The following EPHA5 variants were observed in gnomAD, a reference collection of about 807,000 sequenced individuals.
The protein encoded by EPHA5 is ephrin type-A receptor 5.
EPHA5 carries 60 observed loss-of-function variants against 105.0 expected under a neutral mutation model. The ratio of observed to expected loss-of-function variants is 0.57; its 90% confidence interval spans 0.46 to 0.71. EPHA5 has a LOEUF of 0.71. EPHA5 is among the 30% of genes least tolerant of loss of function. EPHA5 has a pLI of 0.00. For synonymous variants in EPHA5, 513 were observed against 449.1 expected, an observed-to-expected ratio of 1.14 and a Z score of -1.80; for missense variants, 1,218 against 1,274.7, an observed-to-expected ratio of 0.96 and a Z score of 0.68.
chr4:65,503,287 A>AT (rs1173610247), intron 3 of EPHA5, among the ~76,000 whole-genome samples: 1 of 151,816 alleles, frequency 6.6e-6, no homozygotes, highest in African/African-American at 2.4e-5. Context: ...ATTTGAAATT[A>AT]TTTTTTAAAA....
intron 5 of EPHA5, among the ~76,000 whole-genome samples, chr4:65,474,008 C>T (rs1163582184): frequency 5.5e-4 from 69 of 124,558 alleles, no homozygotes; most frequent in Non-Finnish European, 1.0e-3. Context: ...CATCACACAC[C>T]GGGGCCTGTT....
At chr4:65,573,279 C>CGG (rs1740404168) in intron 3 of EPHA5, among the ~76,000 whole-genome samples, 1 of 151,428 alleles carries the variant, frequency 6.6e-6, no homozygotes, top group Non-Finnish European at 1.5e-5. Flanking sequence ...GGCGTGGTGG[C>CGG]AGGTGCCTGT....
intron 8 of EPHA5, among the ~76,000 whole-genome samples, chr4:65,383,512 A>T (rs1007851334): frequency 6.6e-6 from 1 of 151,918 alleles, no homozygotes; most frequent in Non-Finnish European, 1.5e-5. Context: ...ATATTAAGAA[A>T]CACTATTTTT....
chr4:65,388,396 G>A (rs2148948714), intron 8 of EPHA5, among the ~76,000 whole-genome samples: 1 of 151,780 alleles, frequency 6.6e-6, no homozygotes, highest in African/African-American at 2.4e-5. Context: ...TCGCCACACT[G>A]ACTTCCACAA....
chr4:65,488,030 T>C (rs913139042), intron 5 of EPHA5, among the ~76,000 whole-genome samples: 2 of 152,172 alleles, frequency 1.3e-5, no homozygotes, highest in African/African-American at 4.8e-5. Flanking sequence ...TTACAGTGTA[T>C]ACAGTGAGAA....
At chr4:65,570,834 A>G (rs185867694) in intron 3 of EPHA5, among the ~76,000 whole-genome samples, 49 of 152,170 alleles carry the variant, frequency 3.2e-4, no homozygotes, top group African/African-American at 1.2e-3. Flanking sequence ...CTTAATATAT[A>G]GTTAATTTAT....
At chr4:65,638,412 T>C (rs1026437886) in intron 2 of EPHA5, among the ~76,000 whole-genome samples, 6 of 152,004 alleles carry the variant, frequency 3.9e-5, no homozygotes, top group Non-Finnish European at 8.8e-5. Flanking sequence ...AAAAACAATC[T>C]CTAGAACAGA....
At chr4:65,574,103 T>C in intron 3 of EPHA5, 1 of 1,609,338 alleles carries the variant, frequency 6.2e-7, no homozygotes, top group East Asian at 2.2e-5. Context: ...ATCTTACTGA[T>C]GCTTACTTCA....
intron 3 of EPHA5, among the ~76,000 whole-genome samples, chr4:65,599,755 A>G (rs1448975887): frequency 6.6e-6 from 1 of 152,218 alleles, no homozygotes; most frequent in Non-Finnish European, 1.5e-5. Context: ...TCCAATGTCC[A>G]TCAATTAAGG....
chr4:65,626,019 T>C (rs540215848), intron 2 of EPHA5, among the ~76,000 whole-genome samples: 1 of 149,562 alleles, frequency 6.7e-6, no homozygotes, highest in East Asian at 2.0e-4. Context: ...GAGAATGACA[T>C]GAACCCGGGA....
intron 7 of EPHA5, among the ~76,000 whole-genome samples, chr4:65,412,706 A>G (rs1723026578): frequency 1.3e-5 from 2 of 152,156 alleles, no homozygotes; most frequent in African/African-American, 4.8e-5. Flanking sequence ...AGCTTATTTC[A>G]GGTAAAATTT....
At chr4:65,377,035 A>T (rs2148920038) in intron 8 of EPHA5, 1 of 1,609,670 alleles carries the variant, frequency 6.2e-7, no homozygotes, top group Non-Finnish European at 8.5e-7. Context: ...CACAGGGAAG[A>T]AGCCCTCCCA....
At chr4:65,656,185 A>G (rs1749046517) in intron 1 of EPHA5, among the ~76,000 whole-genome samples, 1 of 148,014 alleles carries the variant, frequency 6.8e-6, no homozygotes, top group African/African-American at 2.5e-5. Context: ...CTTTATGTCT[A>G]TGGCTTTCTA....
At chr4:65,356,973 C>A (rs1211650814) in intron 11 of EPHA5, among the ~76,000 whole-genome samples, 5 of 151,432 alleles carry the variant, frequency 3.3e-5, no homozygotes, top group South Asian at 2.1e-4. Context: ...AGCATGTTAT[C>A]AAAAATCCAT....
chr4:65,669,402 G>A, intron 1 of EPHA5, 160 bp downstream of exon 1: 3 of 985,350 alleles, frequency 3.0e-6, no homozygotes, highest in Non-Finnish European at 2.4e-6. Context: ...CCGCAGAGGG[G>A]AGCGAAAAGG....
At chr4:65,478,605 G>A (rs1730057423) in intron 5 of EPHA5, among the ~76,000 whole-genome samples, 2 of 152,012 alleles carry the variant, frequency 1.3e-5, no homozygotes, top group Non-Finnish European at 2.9e-5. Context: ...CTGAGTAGCA[G>A]GGATTACAAG....
chr4:65,669,050 C>T (rs567841062), intron 1 of EPHA5, among the ~76,000 whole-genome samples: 1 of 152,038 alleles, frequency 6.6e-6, no homozygotes, highest in South Asian at 2.1e-4. Flanking sequence ...CAGCTCCCAG[C>T]AGGCACTTTC....
intron 5 of EPHA5, among the ~76,000 whole-genome samples, chr4:65,439,054 T>C (rs1313487203): frequency 2.0e-5 from 3 of 152,104 alleles, no homozygotes; most frequent in African/African-American, 7.2e-5. Flanking sequence ...ATGAAGTAGA[T>C]ACTATCATTA....
At chr4:65,489,271 A>AT (rs1218762681) in intron 5 of EPHA5, among the ~76,000 whole-genome samples, 2 of 152,078 alleles carry the variant, frequency 1.3e-5, no homozygotes, top group Non-Finnish European at 2.9e-5. Context: ...CAAATTAATT[A>AT]TTTTTGCTGA....
Sources: allele counts gnomAD v4.1 joint callset (sites outside exome capture counted in the v4.1 genomes callset), GRCh38; gene constraint gnomAD v4.1.1; transcripts MANE v1.5; gene names NCBI Gene and HGNC (gene_info 2026-07-23, HGNC 2026-07-21).